OXR1: variants seen among roughly 807,000 people sequenced by gnomAD.
OXR1 encodes the protein oxidation resistance 1, also known as oxidation resistance protein 1.
In OXR1, 41 loss-of-function variants were observed where a neutral mutation model predicts 104.6. The ratio of observed to expected loss-of-function variants is 0.39; its 90% CI spans 0.31 to 0.51. OXR1 has a LOEUF of 0.51. Ranked by LOEUF, OXR1 falls within the 20% of genes least tolerant of loss-of-function variation. OXR1 has a pLI of 0.77. For synonymous variants in OXR1, 348 were observed against 348.4 expected (o/e 1.00, Z 0.01); for missense variants, 955 against 1,031.9 (o/e 0.93, Z 1.02).
intron 1 of OXR1, among the ~76,000 whole-genome samples, chr8:106,274,825 A>G (rs1811970996): frequency 6.6e-6 from 1 of 152,218 alleles, no homozygotes; most frequent in South Asian, 2.1e-4. Flanking sequence ...CCAAGGGAAT[A>G]GTGAAAGACC....
At chr8:106,598,050 C>T (rs1211569417) in intron 3 of OXR1, among the ~76,000 whole-genome samples, 8 of 152,178 alleles carry the variant, frequency 5.3e-5, no homozygotes, top group Non-Finnish European at 1.0e-4. Context: ...TCATCTGAGT[C>T]CAGGGCCTTC....
intron 2 of OXR1, among the ~76,000 whole-genome samples, chr8:106,401,635 A>G (rs1360479544): frequency 6.6e-6 from 1 of 151,860 alleles, no homozygotes; most frequent in Admixed American, 6.6e-5. Flanking sequence ...AAGCCAAGAG[A>G]CCTCTTTTTT....
chr8:106,674,913 T>C (rs562166882), intron 3 of OXR1, among the ~76,000 whole-genome samples: 1 of 152,246 alleles, frequency 6.6e-6, no homozygotes, highest in East Asian at 1.9e-4. Context: ...TGTCAGTCAA[T>C]TAAACCTCTT....
At chr8:106,409,263 G>A (rs1233178787) in intron 2 of OXR1, among the ~76,000 whole-genome samples, 1 of 152,112 alleles carries the variant, frequency 6.6e-6, no homozygotes, top group Non-Finnish European at 1.5e-5. Context: ...TGTGGTGTTT[G>A]TGGGGCCAAA....
intron 1 of OXR1, among the ~76,000 whole-genome samples, chr8:106,345,222 G>C (rs528807190): frequency 6.6e-6 from 1 of 152,128 alleles, no homozygotes; most frequent in African/African-American, 2.4e-5. Flanking sequence ...ACACATAGCA[G>C]GTGCTCAATA....
At chr8:106,490,035 T>C (rs528591799) in intron 2 of OXR1, among the ~76,000 whole-genome samples, 4 of 152,292 alleles carry the variant, frequency 2.6e-5, no homozygotes, top group Admixed American at 6.5e-5. Flanking sequence ...AGCCCCATTT[T>C]CATTAAATAC....
chr8:106,720,070 T>G (rs1832694816), intron 11 of OXR1, among the ~76,000 whole-genome samples: 1 of 152,304 alleles, frequency 6.6e-6, no homozygotes, highest in South Asian at 2.1e-4. Flanking sequence ...CCTCCCAAAG[T>G]GCTGGGATTA....
At chr8:106,345,270 C>T (rs1815432125) in intron 1 of OXR1, among the ~76,000 whole-genome samples, 1 of 152,056 alleles carries the variant, frequency 6.6e-6, no homozygotes, top group Non-Finnish European at 1.5e-5. Flanking sequence ...AAGAGATATG[C>T]AGAAAATATA....
chr8:106,435,377 A>G lies in OXR1; in HGVS notation c.23+75741A>G, dbSNP rs371002960. ...TCTACTTGAACATAGAAAATGACAG[A>G]ATTACCTTTGAATCCGGGCTTGTCA... On this transcript the variant is annotated intron_variant, in intron 2 of 16. Coordinates refer to ENST00000517566, the MANE Select transcript of OXR1 (RefSeq NM_001198533.2). Among the ~76,000 whole-genome samples, 470 of 152,128 alleles carry G rather than the reference A, an allele frequency of 3.1e-3. 1 individual carries two copies. Among genetic ancestry groups the G allele is most frequent in the South Asian group, 0.015 (71 of 4,804 alleles).
Position 106,360,052 on chromosome 8 carries a change from A to G in OXR1, c.23+416A>G, listed in dbSNP as rs16874422. On this transcript the variant is annotated intron_variant, in intron 2 of 16. Coordinates refer to ENST00000517566, the MANE Select transcript of OXR1 (RefSeq NM_001198533.2). ...TCTTTGCTTCAGGTTTTATATTTCAACAAATCTACCCAGATTAAACTGAAT... is the reference window on the plus strand; with the variant it reads ...TCTTTGCTTCAGGTTTTATATTTCAGCAAATCTACCCAGATTAAACTGAAT... 9.1e-3 allele frequency among the ~76,000 whole-genome samples: 1,383 copies of G among 152,272 alleles called. 28 individuals carry two copies. Among genetic ancestry groups the G allele is most frequent in the African/African-American group, 0.031 (1,302 of 41,560 alleles).
chr8:106,402,653 A>T (rs1428864954), intron 2 of OXR1, among the ~76,000 whole-genome samples: 1 of 152,122 alleles, frequency 6.6e-6, no homozygotes, highest in African/African-American at 2.4e-5. Context: ...AGGTCTGATT[A>T]TTTCTTTTCC....
At chr8:106,365,708 G>A (rs953656248) in intron 2 of OXR1, among the ~76,000 whole-genome samples, 16 of 151,970 alleles carry the variant, frequency 1.1e-4, no homozygotes, top group African/African-American at 3.4e-4. Context: ...TTTTGGCTTT[G>A]AGCTATGTGC....
intron 11 of OXR1, among the ~76,000 whole-genome samples, chr8:106,728,761 T>C (rs1833589079): frequency 6.6e-6 from 1 of 152,204 alleles, no homozygotes; most frequent in African/African-American, 2.4e-5. Flanking sequence ...TGTCAATAAG[T>C]CGTAATTTAC....
At position 106,573,344 on chromosome 8, in the gene OXR1, T is replaced by TACACACACAC. The variant is rs3046716; in HGVS notation, c.220+54232_220+54241dup. 4.6e-4 allele frequency among the ~76,000 whole-genome samples: 68 copies of TACACACACAC among 146,738 alleles called. 1 individual carries two copies. Among genetic ancestry groups the TACACACACAC allele is most frequent in the African/African-American group, 1.3e-3 (50 of 39,718 alleles). ...TTGACACCTACAATTAACCATCACA[T>TACACACACAC]ACACACACACACACACACACACACA... On this transcript the variant is annotated intron_variant, in intron 3 of 16. Transcript: ENST00000517566.
At chr8:106,745,070 A>T (rs1445008528) in intron 15 of OXR1, among the ~76,000 whole-genome samples, 1 of 152,212 alleles carries the variant, frequency 6.6e-6, no homozygotes, top group African/African-American at 2.4e-5. Context: ...AGTCAATTAA[A>T]TGTTACATAA....
intron 2 of OXR1, among the ~76,000 whole-genome samples, chr8:106,397,803 T>C (rs542570041): frequency 6.6e-6 from 1 of 152,220 alleles, no homozygotes; most frequent in Admixed American, 6.5e-5. Context: ...CTTGCATTAG[T>C]TTTTTGCAGC....
At chr8:106,731,397 CAGT>C (rs1197138671) in intron 11 of OXR1, among the ~76,000 whole-genome samples, 1 of 152,228 alleles carries the variant, frequency 6.6e-6, no homozygotes, top group Admixed American at 6.5e-5. Context: ...GTCTTTCACA[CAGT>C]AGAAGTTTTT....
intron 3 of OXR1, among the ~76,000 whole-genome samples, chr8:106,556,829 G>C (rs907648224): frequency 6.6e-6 from 1 of 152,120 alleles, no homozygotes; most frequent in South Asian, 2.1e-4. Context: ...ACTTTTCTGT[G>C]TATATGTTTC....
At chr8:106,325,102 G>A (rs1185196424) in intron 1 of OXR1, among the ~76,000 whole-genome samples, 1 of 152,134 alleles carries the variant, frequency 6.6e-6, no homozygotes, top group African/African-American at 2.4e-5. Flanking sequence ...AAGAATAAAA[G>A]TAATAGAAGA....
Sources: gnomAD v4.1 joint callset for allele counts (sites outside exome capture counted in the v4.1 genomes callset) on GRCh38, gnomAD v4.1.1 for gene constraint, MANE v1.5 for transcripts, NCBI Gene and HGNC (gene_info 2026-07-23, HGNC 2026-07-21) for gene names.